Variants in DLGAP1 observed in about 807,000 individuals in gnomAD.
The protein encoded by DLGAP1 is disks large-associated protein 1.
Under a neutral mutation model 90.8 loss-of-function variants are expected in DLGAP1, and 11 were observed. That is an observed-to-expected ratio of 0.12 (90% CI 0.08 to 0.20). The LOEUF (loss-of-function observed/expected upper bound fraction) is 0.20. Among genes scored for constraint, DLGAP1 ranks in the 10% least tolerant of loss-of-function variants. The pLI is 1.00. For synonymous variants in DLGAP1, 558 were observed against 540.7 expected (o/e 1.03, Z -0.44); for missense variants, 1,050 against 1,333.8 (o/e 0.79, Z 3.31).
chr18:3,919,226 C>T (rs1272185539), intron 3 of DLGAP1, among the ~76,000 whole-genome samples: 8 of 152,178 alleles, frequency 5.3e-5, no homozygotes, highest in Non-Finnish European at 7.3e-5. Flanking sequence ...CACTTCGAAT[C>T]CTTACCTTTG....
At chr18:3,988,762 A>C (rs1233038235) in intron 3 of DLGAP1, among the ~76,000 whole-genome samples, 3 of 152,120 alleles carry the variant, frequency 2.0e-5, no homozygotes, top group African/African-American at 7.2e-5. Flanking sequence ...TACCAGTACC[A>C]GTCTGTGGCC....
At chr18:4,111,224 A>G (rs146274835) in intron 2 of DLGAP1, among the ~76,000 whole-genome samples, 2 of 152,114 alleles carry the variant, frequency 1.3e-5, no homozygotes, top group East Asian at 1.9e-4. Flanking sequence ...TTGAGTTTTG[A>G]ATGCTGAACC....
Position 4,265,663 on chromosome 18 carries a change from CCCTTCCTT to C in DLGAP1, c.-266-114384_-266-114377del, listed in dbSNP as rs551164051. Among the ~76,000 whole-genome samples the C allele has an allele frequency of 6.6e-4, 36 of 54,284 alleles. 2 individuals are homozygous for C. Among genetic ancestry groups the C allele is most frequent in the East Asian group, 3.8e-3 (7 of 1,838 alleles). The allele number at this position is 54,284 out of a possible 152,430, so 35.6% of individuals were successfully genotyped here. On this transcript the variant is annotated intron_variant, in intron 1 of 12. Transcript: ENST00000315677. ...CCCTTCCCTCCCTCCCTCCCTCCCT[CCCTTCCTT>C]CCTTCCTTCCTTCCTTCCTTCCTTC...
At chr18:4,132,024 C>CTT (rs371804578) in intron 2 of DLGAP1, among the ~76,000 whole-genome samples, 1 of 149,662 alleles carries the variant, frequency 6.7e-6, no homozygotes, top group Non-Finnish European at 1.5e-5. Flanking sequence ...TGTTTTATGA[C>CTT]TTTTTTTTTT....
chr18:3,736,568 A>G (rs1224787636), intron 6 of DLGAP1, among the ~76,000 whole-genome samples: 1 of 152,220 alleles, frequency 6.6e-6, no homozygotes, highest in African/African-American at 2.4e-5. Flanking sequence ...CTAATGATCT[A>G]TTTGAGAAAA....
intron 7 of DLGAP1, among the ~76,000 whole-genome samples, chr18:3,718,763 T>TA (rs1346664017): frequency 6.6e-6 from 1 of 151,554 alleles, no homozygotes; most frequent in African/African-American, 2.4e-5. Flanking sequence ...CTGTCTCTAG[T>TA]AAAAATACAA....
chr18:4,018,881 G>A (rs1353031202), intron 2 of DLGAP1, among the ~76,000 whole-genome samples: 1 of 152,206 alleles, frequency 6.6e-6, no homozygotes, highest in Non-Finnish European at 1.5e-5. Flanking sequence ...GGGGGTCAAG[G>A]TTCAATAAGT....
intron 1 of DLGAP1, among the ~76,000 whole-genome samples, chr18:4,428,772 C>T (rs1313430421): frequency 6.6e-6 from 1 of 152,178 alleles, no homozygotes; most frequent in East Asian, 1.9e-4. Flanking sequence ...ATAAATTACC[C>T]AGTCTCAGGT....
At chr18:3,697,288 T>C (rs2061128273) in intron 7 of DLGAP1, among the ~76,000 whole-genome samples, 1 of 152,166 alleles carries the variant, frequency 6.6e-6, no homozygotes, top group South Asian at 2.1e-4. Flanking sequence ...TGTTAGGGTG[T>C]TGATTTTACG....
At chr18:3,677,409 CCAA>C (rs1183435884) in intron 7 of DLGAP1, among the ~76,000 whole-genome samples, 2 of 152,232 alleles carry the variant, frequency 1.3e-5, no homozygotes. Flanking sequence ...ACTAGCCATT[CCAA>C]CAAGAGAATT....
chr18:3,955,766 T>C (rs191572071), intron 3 of DLGAP1, among the ~76,000 whole-genome samples: 40 of 151,136 alleles, frequency 2.6e-4, no homozygotes, highest in Middle Eastern at 3.4e-3. Flanking sequence ...AGACACCCAA[T>C]TGAACATCTA....
chr18:3,603,680 T>C (rs906288367), intron 7 of DLGAP1: 6 of 154,242 alleles, frequency 3.9e-5, no homozygotes. Context: ...GGATGAAAAG[T>C]TTTAGCAAAA....
chr18:3,960,755 C>T (rs2073181590), intron 3 of DLGAP1, among the ~76,000 whole-genome samples: 1 of 152,202 alleles, frequency 6.6e-6, no homozygotes, highest in Non-Finnish European at 1.5e-5. Flanking sequence ...GTCCTCGGCG[C>T]CTCTAGCCTT....
intron 6 of DLGAP1, among the ~76,000 whole-genome samples, chr18:3,732,701 A>G (rs1177391855): frequency 1.3e-5 from 2 of 152,168 alleles, no homozygotes; most frequent in Non-Finnish European, 2.9e-5. Context: ...TCTTTTTGAC[A>G]TGAAAGTAGT....
chr18:4,222,307 G>T (rs148968462), intron 1 of DLGAP1, among the ~76,000 whole-genome samples: 1 of 152,104 alleles, frequency 6.6e-6, no homozygotes, highest in East Asian at 1.9e-4. Flanking sequence ...CTTGTTTCTG[G>T]TGTTTATTTT....
rs28497660 is a variant in DLGAP1, at chr18:3,903,995, C to G, written c.-72-23855G>C. 2.0e-5 allele frequency among the ~76,000 whole-genome samples: 3 copies of G among 152,272 alleles called. No individual in the cohort carries two copies. In the East Asian group the frequency reaches 5.8e-4, roughly 29 times the overall value. ...ATCTCCTAGAGAGATGGGTTACTTTCGTAAGGAAACATCATTAATCAAGCC... is the reference window on the plus strand; with the variant it reads ...ATCTCCTAGAGAGATGGGTTACTTTGGTAAGGAAACATCATTAATCAAGCC... On this transcript the variant is annotated intron_variant, in intron 3 of 12. Transcript: ENST00000315677.
At chr18:3,706,657 G>C (rs1032369262) in intron 7 of DLGAP1, among the ~76,000 whole-genome samples, 1 of 152,176 alleles carries the variant, frequency 6.6e-6, no homozygotes, top group Admixed American at 6.5e-5. Context: ...GCACATGTGA[G>C]ACTCTGAGTG....
intron 7 of DLGAP1, among the ~76,000 whole-genome samples, chr18:3,682,882 G>C (rs1277853731): frequency 6.6e-6 from 1 of 150,620 alleles, no homozygotes; most frequent in East Asian, 1.9e-4. Context: ...TTCTGAGATG[G>C]AGTCTTGTTC....
intron 5 of DLGAP1, among the ~76,000 whole-genome samples, chr18:3,764,126 A>G (rs1044059339): frequency 2.0e-5 from 3 of 152,218 alleles, no homozygotes; most frequent in African/African-American, 7.2e-5. Flanking sequence ...CTTATTTATC[A>G]CACCAGTATT....
Sources: gnomAD v4.1 joint callset for allele counts (sites outside exome capture counted in the v4.1 genomes callset) on GRCh38, gnomAD v4.1.1 for gene constraint, MANE v1.5 for transcripts, NCBI Gene and HGNC (gene_info 2026-07-23, HGNC 2026-07-21) for gene names.